Variants in ST3GAL3 observed in about 807,000 individuals in gnomAD.
The protein encoded by ST3GAL3 is ST3 beta-galactoside alpha-2,3-sialyltransferase 3.
In ST3GAL3, 21 loss-of-function variants were observed where a neutral mutation model predicts 50.1. The ratio of observed to expected loss-of-function variants is 0.42; its 90% confidence interval spans 0.30 to 0.60. The LOEUF (loss-of-function observed/expected upper bound fraction) is 0.60, where lower values mean the gene tolerates loss of function less well. Among genes scored for constraint, ST3GAL3 ranks in the 20% least tolerant of loss-of-function variants. The pLI, the probability that ST3GAL3 is intolerant of heterozygous loss-of-function variation, is 0.19. For missense variants in ST3GAL3, 353 were observed against 489.4 expected (o/e 0.72, Z 2.63); for synonymous variants, 183 against 190.0 (o/e 0.96, Z 0.30).
At chr1:43,715,986 G>A (rs1040056445) in intron 1 of ST3GAL3, among the ~76,000 whole-genome samples, 6 of 152,146 alleles carry the variant, frequency 3.9e-5, no homozygotes, top group African/African-American at 1.4e-4. Context: ...ACCCTTGAGG[G>A]TCCTTGGACT....
Position 43,899,573 on chromosome 1 carries a change from A to G in ST3GAL3, c.590A>G (p.Lys197Arg), listed in dbSNP as rs201485644. 1.9e-6 allele frequency: 3 copies of G among 1,613,836 alleles called. No individual in the cohort carries two copies. The highest frequency in any genetic ancestry group is 2.7e-5 in the African/African-American group (2 of 74,938). The change falls in exon 9 of 12, where the codon AAG (lysine) becomes AGG (arginine). Residue 197 changes from lysine (K) to arginine (R), a missense_variant. Lys to Arg is a conservative substitution (Grantham distance 26, BLOSUM62 2). Coordinates refer to ENST00000347631, the MANE Select transcript of ST3GAL3 (RefSeq NM_006279.5). The surrounding 1 kb of genome is among the most constrained non-coding windows in gnomAD (Gnocchi z 5.4). The part of the protein sequence containing the change: ...LNSAPVKGFE[K>R]DVGSKTTLRI... ...TCAGCACCAGTGAAAGGCTTTGAGA[A>G]GGACGTGGGCAGCAAAACGACACTG...
chr1:43,776,774 C>T (rs1478281834), intron 2 of ST3GAL3, among the ~76,000 whole-genome samples: 1 of 152,188 alleles, frequency 6.6e-6, no homozygotes, highest in Non-Finnish European at 1.5e-5. Flanking sequence ...CCCATTACAA[C>T]TTCACATTTC....
At chr1:43,851,369 T>G in intron 5 of ST3GAL3, 1 of 1,589,634 alleles carries the variant, frequency 6.3e-7, no homozygotes. Flanking sequence ...ACTCAAAGTT[T>G]GCAGGGGAGC....
At chr1:43,895,114 A>G (rs772984187) in intron 6 of ST3GAL3, among the ~76,000 whole-genome samples, 2 of 152,240 alleles carry the variant, frequency 1.3e-5, no homozygotes, top group Non-Finnish European at 2.9e-5. Flanking sequence ...TGCTGTAGAC[A>G]GGAACACTAG....
intron 5 of ST3GAL3, among the ~76,000 whole-genome samples, chr1:43,878,423 A>G (rs1487867423): frequency 6.6e-6 from 1 of 152,234 alleles, no homozygotes; most frequent in Non-Finnish European, 1.5e-5. Context: ...TGACAGGAGC[A>G]AGTTGCATTA....
chr1:43,765,761 G>GTC (rs1217900789), intron 2 of ST3GAL3, among the ~76,000 whole-genome samples: 2 of 129,516 alleles, frequency 1.5e-5, no homozygotes, highest in African/African-American at 8.4e-5. Context: ...GTCTGTGTGT[G>GTC]TGTGTGTGTG....
chr1:43,924,751 C>G (rs1197993082), intron 11 of ST3GAL3, among the ~76,000 whole-genome samples: 1 of 152,178 alleles, frequency 6.6e-6, no homozygotes, highest in Non-Finnish European at 1.5e-5. Flanking sequence ...GGCAAGAAGT[C>G]CAGGCTGGAA....
At chr1:43,800,135 AG>A (rs2059152590) in intron 3 of ST3GAL3, among the ~76,000 whole-genome samples, 1 of 152,142 alleles carries the variant, frequency 6.6e-6, no homozygotes, top group African/African-American at 2.4e-5. Flanking sequence ...TGATAGTCAC[AG>A]GGGACTCTGT....
At chr1:43,804,015 CA>C (rs2059607969) in intron 3 of ST3GAL3, among the ~76,000 whole-genome samples, 1 of 152,182 alleles carries the variant, frequency 6.6e-6, no homozygotes, top group South Asian at 2.1e-4. Context: ...AGAGTATCTT[CA>C]GGTGCTAGGA....
At chr1:43,786,800 T>C (rs2057397839) in intron 2 of ST3GAL3, among the ~76,000 whole-genome samples, 1 of 152,224 alleles carries the variant, frequency 6.6e-6, no homozygotes, top group South Asian at 2.1e-4. Context: ...AAATCTCCCT[T>C]GTTACTGTTT....
At chr1:43,826,250 C>T (rs2062786161) in intron 4 of ST3GAL3, among the ~76,000 whole-genome samples, 1 of 151,734 alleles carries the variant, frequency 6.6e-6, no homozygotes, top group Admixed American at 6.6e-5. Flanking sequence ...AGAGTGAGAC[C>T]CTGTCTCAAA....
intron 3 of ST3GAL3, among the ~76,000 whole-genome samples, chr1:43,795,892 A>G (rs1261873060): frequency 1.3e-5 from 2 of 152,194 alleles, no homozygotes; most frequent in African/African-American, 4.8e-5. Flanking sequence ...TTTTCCCTTC[A>G]GTGTCCCATG....
chr1:43,920,352 G>C, intron 9 of ST3GAL3, 52 bp from the exon 10 acceptor site: 2 of 1,613,376 alleles, frequency 1.2e-6, no homozygotes, highest in Non-Finnish European at 1.7e-6. Flanking sequence ...ACTCCCCTAG[G>C]CTCATCCCTT....
intron 11 of ST3GAL3, among the ~76,000 whole-genome samples, chr1:43,926,313 G>A (rs950244249): frequency 1.1e-4 from 16 of 152,206 alleles, no homozygotes; most frequent in African/African-American, 3.6e-4. Context: ...TTCTGGCCGG[G>A]CGCGGTCCCT....
intron 5 of ST3GAL3, among the ~76,000 whole-genome samples, chr1:43,860,447 G>A (rs905859897): frequency 6.6e-6 from 1 of 152,190 alleles, no homozygotes; most frequent in Non-Finnish European, 1.5e-5. Flanking sequence ...CTTTGCTACC[G>A]CTCAGATTAT....
intron 1 of ST3GAL3, among the ~76,000 whole-genome samples, chr1:43,725,261 A>C (rs1025842036): frequency 6.6e-6 from 1 of 151,538 alleles, no homozygotes; most frequent in African/African-American, 2.4e-5. Flanking sequence ...GCTGCAGTGC[A>C]GTGGTGCAAT....
intron 4 of ST3GAL3, among the ~76,000 whole-genome samples, chr1:43,834,181 A>G (rs2063945893): frequency 6.6e-6 from 1 of 152,114 alleles, no homozygotes; most frequent in African/African-American, 2.4e-5. Flanking sequence ...CACAACAAAA[A>G]GAAACATTCT....
chr1:43,833,141 C>T (rs1179306535), intron 4 of ST3GAL3, among the ~76,000 whole-genome samples: 1 of 152,186 alleles, frequency 6.6e-6, no homozygotes, highest in African/African-American at 2.4e-5. Flanking sequence ...TACACAATGT[C>T]CATCACTGAT....
rs1351009766 is a variant in ST3GAL3, at chr1:43,814,899, C to T, written c.175C>T (p.Arg59Trp). The T allele has an allele frequency of 2.5e-6, 4 of 1,614,056 alleles. No individual in the cohort carries two copies. The highest frequency in any genetic ancestry group is 2.2e-5 in the East Asian group (1 of 44,884). ...AGQTLGSEYD[R>W]LGFLLNLDSK... ...CTGCTTTTCTTTTTCAGAGTATGAT[C>T]GGTTGGGCTTCCTCCTGAATCTGGA... is the stretch of plus-strand genomic sequence containing the variant. The change falls in exon 4 of 12, where the codon CGG (arginine) becomes TGG (tryptophan). Residue 59 changes from arginine (R) to tryptophan (W), a missense_variant. Physicochemically the swap from Arg to Trp is moderately radical, Grantham distance 101 (BLOSUM62 -3). Coordinates refer to ENST00000347631, the MANE Select transcript of ST3GAL3 (RefSeq NM_006279.5).
Sources: allele counts gnomAD v4.1 joint callset (sites outside exome capture counted in the v4.1 genomes callset), GRCh38; gene constraint gnomAD v4.1.1; non-coding constraint Gnocchi (gnomAD v3.1); transcripts MANE v1.5; gene names NCBI Gene and HGNC (gene_info 2026-07-23, HGNC 2026-07-21).